Variants in DTHD1 observed in about 807,000 individuals in gnomAD.
DTHD1 encodes death domain containing 1.
In DTHD1, 59 loss-of-function variants were observed where a neutral mutation model predicts 74.8. The observed-to-expected ratio is 0.79, with a 90% CI of 0.64 to 0.98. The LOEUF is 0.98. Ranked by LOEUF, DTHD1 falls within the 50% of genes least tolerant of loss-of-function variation. The probability of loss-of-function intolerance (pLI) is 0.00; values close to 1 mark genes in which losing one functional copy is unlikely to be tolerated. For synonymous variants in DTHD1, 365 were observed against 371.1 expected, an observed-to-expected ratio of 0.98 and a Z score of 0.19; for missense variants, 1,051 against 1,065.4, an observed-to-expected ratio of 0.99 and a Z score of 0.19.
rs370992622 is a variant in DTHD1, at chr4:36,293,918, G to A, written c.1398+213G>A. Among the ~76,000 whole-genome samples the A allele has an allele frequency of 2.9e-4, 44 of 151,928 alleles. No homozygotes were observed. The South Asian group carries it at 7.7e-3, about 27-fold the overall frequency. On this transcript the variant is annotated intron_variant, in intron 4 of 9. Coordinates refer to ENST00000639862, the MANE Select transcript of DTHD1 (RefSeq NM_001170700.3). ...TTAAAAATAAATCTTCTCTTTATTCGAAAGATTTTCCCAGTTAGTCTTTTG... is the reference window on the plus strand; with the variant it reads ...TTAAAAATAAATCTTCTCTTTATTCAAAAGATTTTCCCAGTTAGTCTTTTG...
rs1444589150 is a variant in DTHD1 at position 36,306,178 on chromosome 4, T to TA, written c.1644-12dup. ...TAAATTGTACCAATATCTCTTCTGT[T>TA]ACCATTATATAGGACAAAAATTGCC... On this transcript the variant is annotated splice_polypyrimidine_tract_variant and intron_variant, in intron 5 of 9. Coordinates refer to ENST00000639862, the MANE Select transcript of DTHD1 (RefSeq NM_001170700.3). 1 of 1,547,018 alleles carries TA rather than the reference T, an allele frequency of 6.5e-7. No homozygotes were observed. Among genetic ancestry groups the TA allele is most frequent in the South Asian group, 1.2e-5 (1 of 83,382 alleles).
rs558847077 is a variant in DTHD1, at chr4:36,304,542, A to G, written c.1644-1649A>G. Among the ~76,000 whole-genome samples the G allele has an allele frequency of 3.9e-5, 6 of 152,344 alleles. No individual in the cohort carries two copies. In the South Asian group the frequency reaches 1.2e-3, roughly 32 times the overall value. ...TGGTTTTTAACTTCTAGTTAAAACT[A>G]GAGTGTAACTCTAGTTCACTTGACA... On this transcript the variant is annotated intron_variant, in intron 5 of 9. Transcript: ENST00000639862.
At position 36,294,986 on chromosome 4, in the gene DTHD1, T is replaced by C. The variant is rs766789305; in HGVS notation, c.1590T>C (p.His530=). The change falls in exon 5 of 10, where the codon CAT becomes CAC. Residue 530 remains histidine, a synonymous_variant. Transcript: ENST00000639862. ...ACAACCTTGGTTCTGAGATAGATCATAAAAGAAGAGCAAGTGCCACAATAA... is the reference window on the plus strand; with the variant it reads ...ACAACCTTGGTTCTGAGATAGATCACAAAAGAAGAGCAAGTGCCACAATAA... ...DKNNLGSEID[H]KRRASATINR... 5.8e-6 allele frequency: 9 copies of C among 1,551,052 alleles called. No individual in the cohort carries two copies. In the African/African-American group the frequency reaches 8.2e-5, roughly 14 times the overall value.
In DTHD1 at chr4:36,343,633, C is replaced by T. The variant is rs2109588204; in HGVS notation, c.2530C>T (p.Leu844Phe). The change falls in exon 10 of 10, where the codon CTC becomes TTC. Residue 844 changes from leucine (L) to phenylalanine (F), a missense_variant. Leu to Phe is a conservative substitution (Grantham distance 22). Coordinates refer to ENST00000639862, the MANE Select transcript of DTHD1 (RefSeq NM_001170700.3). ...QLIKLKNPDD[L>F]TEQIHEFLCF... ...CATCAAACTCAAGAACCCTGATGAT[C>T]TCACAGAACAGATCCACGAGTTTCT... The T allele has an allele frequency of 6.4e-7, 1 of 1,551,932 alleles. No individual in the cohort carries two copies. The highest frequency in any genetic ancestry group is 8.7e-7 in the Non-Finnish European group (1 of 1,146,976).
chr4:36,306,325 C>G lies in DTHD1; in HGVS notation c.1778C>G (p.Ser593Ter), dbSNP rs765596905. The change falls in exon 6 of 10, where the codon TCA becomes TGA. Residue 593 changes from serine to a stop codon, truncating the protein, a stop_gained. Transcript: ENST00000639862. LOFTEE classifies it high-confidence loss of function. ...VVKTIQSGLV[S>*]VELYEHLERF... ...AAAACCATACAGAGCGGCTTGGTAT[C>G]AGTTGAATTGTATGAACATTTGGAG... 1.9e-6 allele frequency: 3 copies of G among 1,550,502 alleles called. No homozygotes were observed. Among genetic ancestry groups the G allele is most frequent in the Middle Eastern group, 3.3e-4 (2 of 6,008 alleles).
At chr4:36,319,972 G>T (rs537404116) in intron 8 of DTHD1, among the ~76,000 whole-genome samples, 1 of 152,128 alleles carries the variant, frequency 6.6e-6, no homozygotes, top group Non-Finnish European at 1.5e-5. Context: ...CTCCTCCTTT[G>T]TACCAGGTTA....
Position 36,290,409 on chromosome 4 carries a change from A to G in DTHD1, c.924A>G (p.Gln308=), listed in dbSNP as rs1243436277. The G allele has an allele frequency of 6.4e-7, 1 of 1,551,576 alleles. No individual in the cohort carries two copies. Among genetic ancestry groups the G allele is most frequent in the Non-Finnish European group, 8.7e-7 (1 of 1,146,764 alleles). The stretch of plus-strand genomic sequence containing the variant: ...TGCTGAGTGATGTTACTGGCCCCCA[A>G]GTGTCTTGTTATATTACAGCACCAT... ...LDVLSDVTGP[Q]VSCYITAPSY... Residue 308 remains glutamine (Q), a synonymous_variant, in exon 3 of 10, where the codon CAA becomes CAG. Coordinates refer to ENST00000639862, the MANE Select transcript of DTHD1 (RefSeq NM_001170700.3).
At position 36,343,969 on chromosome 4, in the gene DTHD1, G is replaced by A. The variant is rs1167075254; in HGVS notation, c.*145G>A. 1.5e-5 allele frequency: 12 copies of A among 775,884 alleles called. No individual in the cohort carries two copies. The highest frequency in any genetic ancestry group is 7.0e-5 in the African/African-American group (4 of 56,920). The allele number at this position is 775,884 out of a possible 1,614,324, so 48.1% of individuals were successfully genotyped here. On this transcript the variant is annotated 3_prime_UTR_variant, in exon 10 of 10. Coordinates refer to ENST00000639862, the MANE Select transcript of DTHD1 (RefSeq NM_001170700.3). ...GCTATTTAATGATGTGAGACAAAGG[G>A]AGAAGCACGGATCAGATAATAGAAA...
At chr4:36,339,707 C>T (rs1231429646) in intron 9 of DTHD1, among the ~76,000 whole-genome samples, 2 of 152,140 alleles carry the variant, frequency 1.3e-5, no homozygotes, top group African/African-American at 4.8e-5. Flanking sequence ...TTTGTGATAT[C>T]AGTAGCTACT....
intron 7 of DTHD1, among the ~76,000 whole-genome samples, chr4:36,310,211 AT>A (rs1757315838): frequency 6.6e-6 from 1 of 152,118 alleles, no homozygotes; most frequent in Non-Finnish European, 1.5e-5. Context: ...TATGACAGTG[AT>A]GAGGAAAGCA....
intron 3 of DTHD1, among the ~76,000 whole-genome samples, chr4:36,291,472 ACT>A (rs1226363715): frequency 2.0e-5 from 3 of 152,196 alleles, no homozygotes; most frequent in Non-Finnish European, 4.4e-5. Context: ...AATTGTAATA[ACT>A]CTGAGGCTCT....
intron 8 of DTHD1, among the ~76,000 whole-genome samples, chr4:36,321,905 G>A (rs1311933840): frequency 3.9e-5 from 6 of 152,066 alleles, no homozygotes; most frequent in African/African-American, 1.4e-4. Context: ...TTGAGTTTTT[G>A]GAATATGCCA....
At chr4:36,324,327 T>C (rs1028876201) in intron 8 of DTHD1, among the ~76,000 whole-genome samples, 4 of 152,206 alleles carry the variant, frequency 2.6e-5, no homozygotes, top group Non-Finnish European at 5.9e-5. Flanking sequence ...AGGTTTTCTC[T>C]GTTTAGAGGG....
At chr4:36,305,507 C>T (rs1016013711) in intron 5 of DTHD1, among the ~76,000 whole-genome samples, 2 of 152,148 alleles carry the variant, frequency 1.3e-5, no homozygotes, top group Non-Finnish European at 2.9e-5. Context: ...TTATCTCCTA[C>T]CAGGTCCCTC....
chr4:36,331,177 T>C (rs969415497), intron 8 of DTHD1, among the ~76,000 whole-genome samples: 1 of 152,120 alleles, frequency 6.6e-6, no homozygotes, highest in Non-Finnish European at 1.5e-5. Context: ...AAGATTATAA[T>C]AAAGTAAATA....
Position 36,297,375 on chromosome 4 carries a change from G to C in DTHD1, c.1643+2336G>C, listed in dbSNP as rs563562998. On this transcript the variant is annotated intron_variant, in intron 5 of 9. Coordinates refer to ENST00000639862, the MANE Select transcript of DTHD1 (RefSeq NM_001170700.3). ...GTATAACACCATATCATCTATCTAG[G>C]AGTACAGCGTAATCTTGCAGAATTT... Among the ~76,000 whole-genome samples the C allele has an allele frequency of 5.3e-5, 8 of 152,092 alleles. No homozygotes were observed. The South Asian group carries it at 1.7e-3, about 32-fold the overall frequency.
At chr4:36,307,164 C>A (rs1410929015) in intron 6 of DTHD1, among the ~76,000 whole-genome samples, 1 of 152,186 alleles carries the variant, frequency 6.6e-6, no homozygotes, top group East Asian at 1.9e-4. Flanking sequence ...GAATGGGTAG[C>A]CCAGTCCAGG....
At chr4:36,304,171 C>G (rs1049006873) in intron 5 of DTHD1, among the ~76,000 whole-genome samples, 8 of 152,148 alleles carry the variant, frequency 5.3e-5, no homozygotes, top group Non-Finnish European at 1.2e-4. Flanking sequence ...TCCACAAATA[C>G]TTTAGGTTTT....
intron 5 of DTHD1, among the ~76,000 whole-genome samples, chr4:36,297,000 GCTT>G (rs937664818): frequency 1.5e-4 from 23 of 152,118 alleles, no homozygotes; most frequent in African/African-American, 5.6e-4. Flanking sequence ...ACTATATACT[GCTT>G]CTTATAATAA....
Sources: gnomAD v4.1 joint callset for allele counts (sites outside exome capture counted in the v4.1 genomes callset) on GRCh38, gnomAD v4.1.1 for gene constraint, MANE v1.5 for transcripts, NCBI Gene and HGNC (gene_info 2026-07-23, HGNC 2026-07-21) for gene names.